Variants in TMOD3 observed in about 807,000 individuals in gnomAD.
The protein encoded by TMOD3 is tropomodulin-3.
Under a neutral mutation model 39.2 loss-of-function variants are expected in TMOD3, and 20 were observed. The ratio of observed to expected loss-of-function variants is 0.51; its 90% confidence interval spans 0.36 to 0.74. TMOD3 has a LOEUF of 0.74. Among genes scored for constraint, TMOD3 ranks in the 30% least tolerant of loss-of-function variants. The probability of loss-of-function intolerance (pLI) is 0.00; values close to 1 mark genes in which losing one functional copy is unlikely to be tolerated. For synonymous variants in TMOD3, 143 were observed against 145.8 expected, an observed-to-expected ratio of 0.98 and a Z score of 0.14; for missense variants, 381 against 412.8, an observed-to-expected ratio of 0.92 and a Z score of 0.67.
chr15:51,894,293 G>A (rs1802145961), intron 6 of TMOD3, among the ~76,000 whole-genome samples: 1 of 152,154 alleles, frequency 6.6e-6, no homozygotes, highest in South Asian at 2.1e-4. Flanking sequence ...GTGCATGCCT[G>A]TAATCCCAGC....
At chr15:51,852,595 G>C (rs1207823651) in intron 1 of TMOD3, among the ~76,000 whole-genome samples, 1 of 152,140 alleles carries the variant, frequency 6.6e-6, no homozygotes, top group African/African-American at 2.4e-5. Flanking sequence ...AGGATCAACG[G>C]AAGTATCAAA....
intron 1 of TMOD3, among the ~76,000 whole-genome samples, chr15:51,855,863 G>A (rs1456663528): frequency 1.3e-5 from 2 of 152,172 alleles, no homozygotes; most frequent in African/African-American, 4.8e-5. Flanking sequence ...GCTGGCACTT[G>A]GAACATTGTC....
chr15:51,857,901 A>T (rs2056396402), intron 1 of TMOD3, among the ~76,000 whole-genome samples: 1 of 152,144 alleles, frequency 6.6e-6, no homozygotes, highest in Non-Finnish European at 1.5e-5. Context: ...TGTTATTTTT[A>T]ATTTTTGTCC....
In TMOD3 at chr15:51,911,269, A is replaced by G. The variant is rs572462668; in HGVS notation, c.*2459A>G. The G allele has an allele frequency of 1.9e-4, 29 of 152,314 alleles. No individual in the cohort carries two copies. Among genetic ancestry groups the G allele is most frequent in the African/African-American group, 7.0e-4 (29 of 41,570 alleles). 9.4% of individuals were successfully genotyped at this position (152,314 alleles called of 1,614,324 possible). On this transcript the variant is annotated 3_prime_UTR_variant, in exon 10 of 10. Coordinates refer to ENST00000308580, the MANE Select transcript of TMOD3 (RefSeq NM_014547.5). ...AAAATTTTGCATCATACTTATGGGT[A>G]ATATCTTTTTCATATATTATTTATC...
chr15:51,904,114 T>C (rs1031519508), intron 9 of TMOD3, among the ~76,000 whole-genome samples: 10 of 152,230 alleles, frequency 6.6e-5, no homozygotes, highest in Admixed American at 5.2e-4. Flanking sequence ...CATTTCACAC[T>C]CAGAAACCCT....
chr15:51,861,842 C>G (rs1213742181), intron 1 of TMOD3, among the ~76,000 whole-genome samples: 1 of 151,820 alleles, frequency 6.6e-6, no homozygotes. Context: ...TATTTTTCAC[C>G]ATGTTGCCCA....
chr15:51,830,978 T>C (rs903602372), intron 1 of TMOD3, among the ~76,000 whole-genome samples: 6 of 152,214 alleles, frequency 3.9e-5, no homozygotes, highest in African/African-American at 1.4e-4. Context: ...TCTTTGAGCT[T>C]TCTTTGCTTT....
intron 1 of TMOD3, among the ~76,000 whole-genome samples, chr15:51,845,646 A>G (rs773792559): frequency 1.3e-5 from 2 of 152,022 alleles, no homozygotes; most frequent in African/African-American, 2.4e-5. Flanking sequence ...TGTCCCAGCT[A>G]CTCAGTAAGC....
chr15:51,844,665 T>C (rs1595890817), intron 1 of TMOD3, among the ~76,000 whole-genome samples: 1 of 152,214 alleles, frequency 6.6e-6, no homozygotes, highest in East Asian at 1.9e-4. Context: ...TCTTACTACA[T>C]TGACAGAATT....
At chr15:51,905,807 G>A (rs1015906362) in intron 9 of TMOD3, among the ~76,000 whole-genome samples, 2 of 151,612 alleles carry the variant, frequency 1.3e-5, no homozygotes, top group Non-Finnish European at 1.5e-5. Context: ...AGCTGGGCGC[G>A]GTGGCGGGCG....
At chr15:51,859,199 C>T (rs148026223) in intron 1 of TMOD3, 14,172 of 734,634 alleles carry the variant, frequency 0.019, 247 homozygotes, top group South Asian at 0.019. Flanking sequence ...AACGGCCAGT[C>T]TGATACATAG....
intron 3 of TMOD3, 53 bp downstream of exon 3, chr15:51,869,426 TA>T (rs1407795724): frequency 2.6e-6 from 4 of 1,555,238 alleles, no homozygotes; most frequent in Non-Finnish European, 3.5e-6. Flanking sequence ...TTTTTCTTTT[TA>T]TAGGTGGGTG....
At chr15:51,873,962 A>G (rs936329483) in intron 3 of TMOD3, among the ~76,000 whole-genome samples, 8 of 152,144 alleles carry the variant, frequency 5.3e-5, no homozygotes, top group Admixed American at 1.3e-4. Flanking sequence ...GGGAACCACT[A>G]AAAGGATTAC....
At chr15:51,884,145 T>G (rs1309583448) in intron 3 of TMOD3, among the ~76,000 whole-genome samples, 5 of 152,202 alleles carry the variant, frequency 3.3e-5, no homozygotes, top group African/African-American at 1.2e-4. Context: ...TGGCAACCTG[T>G]GTTCTAGTAT....
At chr15:51,861,504 G>GA (rs2056418668) in intron 1 of TMOD3, among the ~76,000 whole-genome samples, 1 of 152,020 alleles carries the variant, frequency 6.6e-6, no homozygotes, top group African/African-American at 2.4e-5. Flanking sequence ...CTGGTTTGCA[G>GA]AAAAAACATA....
intron 1 of TMOD3, among the ~76,000 whole-genome samples, chr15:51,853,246 G>T (rs2056371373): frequency 1.3e-5 from 2 of 152,172 alleles, no homozygotes; most frequent in South Asian, 4.1e-4. Context: ...CTGTCACCCA[G>T]GCTGGAGTGC....
At chr15:51,881,182 A>G (rs1257580492) in intron 3 of TMOD3, among the ~76,000 whole-genome samples, 1 of 152,182 alleles carries the variant, frequency 6.6e-6, no homozygotes, top group East Asian at 1.9e-4. Context: ...CAATCCTCCT[A>G]TGTCAACCGA....
At chr15:51,835,192 A>G (rs1382267244) in intron 1 of TMOD3, 4 of 152,216 alleles carry the variant, frequency 2.6e-5, no homozygotes, top group Non-Finnish European at 5.9e-5. Context: ...AGGAAAGATC[A>G]CCTAGGACTC....
chr15:51,864,876 G>A (rs1053184169), intron 2 of TMOD3, among the ~76,000 whole-genome samples: 4 of 152,094 alleles, frequency 2.6e-5, no homozygotes, highest in South Asian at 2.1e-4. Flanking sequence ...GGTGTGCTCC[G>A]GGGGAGGTTG....
Sources: allele counts gnomAD v4.1 joint callset (sites outside exome capture counted in the v4.1 genomes callset), GRCh38; gene constraint gnomAD v4.1.1; transcripts MANE v1.5; gene names NCBI Gene and HGNC (gene_info 2026-07-23, HGNC 2026-07-21).